The following DLGAP1 variants were observed in gnomAD, a reference collection of about 807,000 sequenced individuals.
DLGAP1 encodes the protein disks large-associated protein 1.
A neutral mutation model predicts 90.8 loss-of-function variants in DLGAP1; 11 were observed. The observed-to-expected ratio is 0.12, with a 90% confidence interval of 0.08 to 0.20. DLGAP1 has a LOEUF of 0.20. Ranked by LOEUF, DLGAP1 falls within the 10% of genes least tolerant of loss-of-function variation. The pLI is 1.00. For missense variants in DLGAP1, 1,050 were observed against 1,333.8 expected (o/e 0.79, Z 3.31); for synonymous variants, 558 against 540.7 (o/e 1.03, Z -0.44).
At chr18:3,848,303 G>C (rs944573830) in intron 4 of DLGAP1, among the ~76,000 whole-genome samples, 1 of 152,006 alleles carries the variant, frequency 6.6e-6, no homozygotes, top group African/African-American at 2.4e-5. Context: ...GAGCAGTAGG[G>C]AGGAGGGAGG....
chr18:3,538,675 T>C (rs1335944552), intron 9 of DLGAP1, among the ~76,000 whole-genome samples: 2 of 152,236 alleles, frequency 1.3e-5, no homozygotes, highest in Non-Finnish European at 2.9e-5. Context: ...ATCCCAACTA[T>C]GAAAACATTA....
At chr18:3,867,061 C>T (rs546492979) in intron 4 of DLGAP1, among the ~76,000 whole-genome samples, 3 of 152,076 alleles carry the variant, frequency 2.0e-5, no homozygotes, top group East Asian at 1.9e-4. Context: ...ACTATGTTGG[C>T]CATGCTGGTC....
At chr18:3,527,410 CTTTTTT>C (rs3075071) in intron 10 of DLGAP1, among the ~76,000 whole-genome samples, 26 of 100,694 alleles carry the variant, frequency 2.6e-4, no homozygotes, top group Admixed American at 1.6e-3. Context: ...ATTTTCCAAA[CTTTTTT>C]TTTTTTTTTT....
chr18:3,639,541 T>C (rs1021539175), intron 7 of DLGAP1, among the ~76,000 whole-genome samples: 10 of 152,006 alleles, frequency 6.6e-5, no homozygotes, highest in African/African-American at 2.2e-4. Context: ...GCTAGAATTT[T>C]GTATGGGAAT....
At position 4,432,873 on chromosome 18, in the gene DLGAP1, C is replaced by T. The variant is rs370324384; in HGVS notation, c.-267+22133G>A. Among the ~76,000 whole-genome samples the T allele has an allele frequency of 3.3e-5, 5 of 152,202 alleles. No individual in the cohort carries two copies. The East Asian group carries it at 5.8e-4, about 18-fold the overall frequency. ...TCCAGTCTACTTGAATTCAGTTCTC[C>T]CAAACAGGCCCTCGAGAAGTTACTT... On this transcript the variant is annotated intron_variant, in intron 1 of 12. Coordinates refer to ENST00000315677, the MANE Select transcript of DLGAP1 (RefSeq NM_004746.4).
At chr18:4,380,326 C>A (rs1422885759) in intron 1 of DLGAP1, among the ~76,000 whole-genome samples, 1 of 152,086 alleles carries the variant, frequency 6.6e-6, no homozygotes, top group Non-Finnish European at 1.5e-5. Flanking sequence ...TTACAATGAC[C>A]TTTAAGAAGT....
intron 4 of DLGAP1, among the ~76,000 whole-genome samples, chr18:3,869,838 C>T (rs1440722927): frequency 6.6e-6 from 1 of 152,196 alleles, no homozygotes; most frequent in Non-Finnish European, 1.5e-5. Context: ...TGAGGATCTA[C>T]AAACTTGGAA....
intron 8 of DLGAP1, among the ~76,000 whole-genome samples, chr18:3,574,990 A>G (rs899360426): frequency 2.6e-5 from 4 of 151,854 alleles, no homozygotes; most frequent in Admixed American, 2.6e-4. Flanking sequence ...AATTTTTTGT[A>G]TCTTTAGTAG....
At chr18:3,601,298 C>G (rs1466854752) in intron 7 of DLGAP1, among the ~76,000 whole-genome samples, 1 of 151,926 alleles carries the variant, frequency 6.6e-6, no homozygotes, top group Non-Finnish European at 1.5e-5. Flanking sequence ...GTTGATCAGG[C>G]TGGTCTCGAA....
chr18:4,337,929 A>G (rs1248677024), intron 1 of DLGAP1, among the ~76,000 whole-genome samples: 1 of 152,160 alleles, frequency 6.6e-6, no homozygotes, highest in African/African-American at 2.4e-5. Context: ...TATTGTCTCA[A>G]CATTTCCCTT....
At chr18:3,600,801 G>GAT (rs753258729) in intron 7 of DLGAP1, among the ~76,000 whole-genome samples, 249 of 15,318 alleles carry the variant, frequency 0.016, 11 homozygotes, top group African/African-American at 0.026. Flanking sequence ...TAGATATATA[G>GAT]ATATATAGAT....
chr18:3,540,402 A>T (rs2052623831), intron 9 of DLGAP1, among the ~76,000 whole-genome samples: 1 of 146,768 alleles, frequency 6.8e-6, no homozygotes, highest in South Asian at 2.2e-4. Flanking sequence ...CCCGGGAGGC[A>T]GAGGCTGCAG....
At chr18:3,990,971 A>G (rs1262618783) in intron 3 of DLGAP1, among the ~76,000 whole-genome samples, 1 of 151,990 alleles carries the variant, frequency 6.6e-6, no homozygotes, top group African/African-American at 2.4e-5. Context: ...TGAAGATTTA[A>G]TGGAGTTATT....
At chr18:3,946,886 C>T (rs1298972009) in intron 3 of DLGAP1, among the ~76,000 whole-genome samples, 6 of 152,230 alleles carry the variant, frequency 3.9e-5, no homozygotes, top group Middle Eastern at 3.4e-3. Context: ...TAAACCTTGA[C>T]GTGATGCTTT....
At chr18:3,539,840 T>C (rs1277108307) in intron 9 of DLGAP1, among the ~76,000 whole-genome samples, 1 of 152,208 alleles carries the variant, frequency 6.6e-6, no homozygotes, top group Non-Finnish European at 1.5e-5. Flanking sequence ...TAGCTTAGTC[T>C]TTCCATCATA....
chr18:4,324,500 C>G (rs2080771231), intron 1 of DLGAP1, among the ~76,000 whole-genome samples: 1 of 151,898 alleles, frequency 6.6e-6, no homozygotes, highest in Non-Finnish European at 1.5e-5. Flanking sequence ...GCAGGGACTC[C>G]TCCCCAACTC....
At chr18:4,340,264 A>G (rs1372044746) in intron 1 of DLGAP1, among the ~76,000 whole-genome samples, 1 of 152,158 alleles carries the variant, frequency 6.6e-6, no homozygotes, top group Non-Finnish European at 1.5e-5. Flanking sequence ...CTACTGAGGG[A>G]CTAATGGGTG....
At chr18:4,359,458 T>C (rs1723421312) in intron 1 of DLGAP1, among the ~76,000 whole-genome samples, 1 of 152,156 alleles carries the variant, frequency 6.6e-6, no homozygotes, top group Non-Finnish European at 1.5e-5. Flanking sequence ...CTTTTTCCAG[T>C]CATACTTCTT....
intron 6 of DLGAP1, among the ~76,000 whole-genome samples, chr18:3,739,803 T>C (rs1016260969): frequency 6.6e-6 from 1 of 152,122 alleles, no homozygotes; most frequent in East Asian, 1.9e-4. Flanking sequence ...AGATACTGTG[T>C]TACTTGAAAA....
Sources: allele counts gnomAD v4.1 joint callset (sites outside exome capture counted in the v4.1 genomes callset), GRCh38; gene constraint gnomAD v4.1.1; transcripts MANE v1.5; gene names NCBI Gene and HGNC (gene_info 2026-07-23, HGNC 2026-07-21).